Variants in WWOX observed in about 807,000 individuals in gnomAD.
The protein encoded by WWOX is WW domain containing oxidoreductase, also known as WW domain-containing oxidoreductase.
In WWOX, 69 loss-of-function variants were observed where a neutral mutation model predicts 46.2. That is an observed-to-expected ratio of 1.49 (90% CI 1.23 to 1.82). The LOEUF is 1.82. WWOX is among the 40% of genes most tolerant of loss of function. WWOX has a pLI of 0.00. For missense variants in WWOX, 919 were observed against 542.6 expected (o/e 1.69, Z -6.89); for synonymous variants, 359 against 202.6 (o/e 1.77, Z -6.56).
chr16:78,885,690 G>C (rs1010390201), intron 8 of WWOX, among the ~76,000 whole-genome samples: 1 of 152,054 alleles, frequency 6.6e-6, no homozygotes, highest in Admixed American at 6.6e-5. Context: ...GTTTCCATAG[G>C]GATAACTCAA....
At chr16:78,384,283 G>C (rs542383142) in intron 5 of WWOX, among the ~76,000 whole-genome samples, 14 of 152,256 alleles carry the variant, frequency 9.2e-5, no homozygotes, top group African/African-American at 3.4e-4. Context: ...GTGGCAGTGA[G>C]TGTCATGCTC....
At position 78,626,599 on chromosome 16, in the gene WWOX, G is replaced by C. The variant is rs1022244637; in HGVS notation, c.1056+193847G>C. ...GACTCTGATTCACCTGGTCAAGGTA[G>C]TGTTCATTAGGTTTCTCCACTGCAC... On this transcript the variant is annotated intron_variant, in intron 8 of 8. Transcript: ENST00000566780. 2.5e-4 allele frequency among the ~76,000 whole-genome samples: 38 copies of C among 152,132 alleles called. 1 individual carries two copies. Among genetic ancestry groups the C allele is most frequent in the African/African-American group, 9.2e-4 (38 of 41,424 alleles).
chr16:78,922,335 CAA>C (rs918530510), intron 8 of WWOX, among the ~76,000 whole-genome samples: 8 of 151,600 alleles, frequency 5.3e-5, no homozygotes, highest in Middle Eastern at 3.2e-3. Flanking sequence ...CCCAAGCAAA[CAA>C]AGACTCTTTT....
chr16:78,251,787 C>G (rs2037991314), intron 5 of WWOX, among the ~76,000 whole-genome samples: 1 of 152,168 alleles, frequency 6.6e-6, no homozygotes, highest in African/African-American at 2.4e-5. Context: ...ATTAGTCAGC[C>G]TCTCCCTACT....
chr16:78,573,211 A>G lies in WWOX; in HGVS notation c.1056+140459A>G, dbSNP rs377753128. ...TGAGGCAGGAGAATGGCGTGAACCC[A>G]GGAGGCAGAGCTTGCAGTGAGCCGA... On this transcript the variant is annotated intron_variant, in intron 8 of 8. Coordinates refer to ENST00000566780, the MANE Select transcript of WWOX (RefSeq NM_016373.4). 2.6e-3 allele frequency among the ~76,000 whole-genome samples: 388 copies of G among 152,146 alleles called. 19 individuals carry two copies. The South Asian group carries it at 0.076, about 30-fold the overall frequency.
chr16:78,711,439 C>G (rs961107965), intron 8 of WWOX, among the ~76,000 whole-genome samples: 1 of 152,154 alleles, frequency 6.6e-6, no homozygotes, highest in African/African-American at 2.4e-5. Flanking sequence ...CACTCAGAAT[C>G]TTGTTGAATA....
At chr16:78,884,165 G>T (rs756391892) in intron 8 of WWOX, among the ~76,000 whole-genome samples, 3 of 151,152 alleles carry the variant, frequency 2.0e-5, no homozygotes, top group Non-Finnish European at 4.4e-5. Flanking sequence ...CTAGTTACTC[G>T]GGAGGCTGAA....
chr16:79,064,086 A>T (rs1472486213), intron 8 of WWOX, among the ~76,000 whole-genome samples: 1 of 152,236 alleles, frequency 6.6e-6, no homozygotes. Context: ...CTACAGCAAC[A>T]TGTCTAGTGT....
intron 5 of WWOX, among the ~76,000 whole-genome samples, chr16:78,356,325 A>G (rs1346779256): frequency 6.2e-5 from 4 of 64,586 alleles, no homozygotes; most frequent in Admixed American, 1.1e-4. Context: ...CACATATTCA[A>G]AATACTCAAC....
chr16:78,753,832 ATATATATATATATATATATATATG>A (rs1161112411), intron 8 of WWOX, among the ~76,000 whole-genome samples: 13 of 88,254 alleles, frequency 1.5e-4, no homozygotes, highest in South Asian at 4.1e-4. Context: ...AAAAATATAT[ATATATATATATATATATATATATG>A]TATATGTATA....
chr16:78,793,452 T>A (rs1205630938), intron 8 of WWOX, among the ~76,000 whole-genome samples: 1 of 152,182 alleles, frequency 6.6e-6, no homozygotes, highest in Non-Finnish European at 1.5e-5. Flanking sequence ...ACATTGACTT[T>A]CCTCATTTTT....
chr16:78,666,114 C>T (rs1481205518), intron 8 of WWOX, among the ~76,000 whole-genome samples: 5 of 151,900 alleles, frequency 3.3e-5, no homozygotes, highest in Non-Finnish European at 7.4e-5. Flanking sequence ...GTGAGAGCCC[C>T]ATGTTTCTAA....
intron 5 of WWOX, among the ~76,000 whole-genome samples, chr16:78,262,810 G>A (rs2079275215): frequency 6.6e-6 from 1 of 152,098 alleles, no homozygotes; most frequent in African/African-American, 2.4e-5. Flanking sequence ...GTGGGGAGGT[G>A]ACAGCCTGAG....
chr16:78,299,188 G>T (rs1012965383), intron 5 of WWOX, among the ~76,000 whole-genome samples: 1 of 152,166 alleles, frequency 6.6e-6, no homozygotes, highest in African/African-American at 2.4e-5. Context: ...AGAGGATTCC[G>T]AAAGCTAGCG....
At chr16:78,953,817 G>C (rs1262399182) in intron 8 of WWOX, among the ~76,000 whole-genome samples, 2 of 152,158 alleles carry the variant, frequency 1.3e-5, no homozygotes, top group Non-Finnish European at 2.9e-5. Flanking sequence ...GTTCGCAGCT[G>C]GGCATGATCG....
rs929692062 is a variant in WWOX, at chr16:78,455,902, C to G, written c.1056+23150C>G. ...AACTTTTATTTTTACATTATTTTAA[C>G]TAGTATTTGTGTTAACATTATTTTA... On this transcript the variant is annotated intron_variant, in intron 8 of 8. Transcript: ENST00000566780. 3.9e-5 allele frequency among the ~76,000 whole-genome samples: 6 copies of G among 151,912 alleles called. No homozygotes were observed. In the East Asian group the frequency reaches 1.2e-3, roughly 29 times the overall value.
At chr16:78,216,118 G>A (rs2036713623) in intron 5 of WWOX, among the ~76,000 whole-genome samples, 2 of 151,968 alleles carry the variant, frequency 1.3e-5, no homozygotes, top group African/African-American at 4.8e-5. Context: ...GGCCCTGTGT[G>A]GACCATTCCA....
chr16:78,563,573 A>G (rs1039958482), intron 8 of WWOX, among the ~76,000 whole-genome samples: 4 of 145,126 alleles, frequency 2.8e-5, no homozygotes, highest in African/African-American at 5.2e-5. Context: ...GTAAAGGTAG[A>G]TTTTTAGAAC....
intron 8 of WWOX, among the ~76,000 whole-genome samples, chr16:78,557,688 G>GTTTTTTT: frequency 9.3e-6 from 1 of 107,108 alleles, no homozygotes; most frequent in Non-Finnish European, 1.8e-5. Context: ...TCTAGGGAAG[G>GTTTTTTT]ATTTTTTTTT....
Sources: allele counts gnomAD v4.1 joint callset (sites outside exome capture counted in the v4.1 genomes callset), GRCh38; gene constraint gnomAD v4.1.1; transcripts MANE v1.5; gene names NCBI Gene and HGNC (gene_info 2026-07-23, HGNC 2026-07-21).